Variants in NASP observed in about 807,000 individuals in gnomAD.
NASP encodes NASP histone chaperone.
Under a neutral mutation model 89.5 loss-of-function variants are expected in NASP, and 24 were observed. The observed-to-expected ratio is 0.27, with a 90% CI of 0.19 to 0.38. NASP has a LOEUF of 0.38. Among genes scored for constraint, NASP ranks in the 10% least tolerant of loss-of-function variants. NASP has a pLI of 1.00. For missense variants in NASP, 848 were observed against 921.4 expected, an observed-to-expected ratio of 0.92 and a Z score of 1.03; for synonymous variants, 306 against 324.7, an observed-to-expected ratio of 0.94 and a Z score of 0.62.
chr1:45,615,561 T>G, intron 11 of NASP, 90 bp downstream of exon 11: 1 of 1,272,200 alleles, frequency 7.9e-7, no homozygotes, highest in South Asian at 1.5e-5. Flanking sequence ...ATGACTTGGT[T>G]TCCAGGGAGT....
intron 2 of NASP, among the ~76,000 whole-genome samples, chr1:45,595,188 T>TGTGTGTGTGTGTGTGTG (rs1557653283): frequency 1.5e-5 from 2 of 129,660 alleles, no homozygotes; most frequent in Non-Finnish European, 3.3e-5. Context: ...TGTGTGTGTG[T>TGTGTGTGTGTGTGTGTG]TTTAGAGACA....
chr1:45,593,394 G>T (rs377648458), intron 2 of NASP, among the ~76,000 whole-genome samples: 1 of 151,774 alleles, frequency 6.6e-6, no homozygotes, highest in African/African-American at 2.4e-5. Context: ...TTAGTTGAGC[G>T]TGGTGGCGGG....
intron 14 of NASP, 54 bp from the exon 15 acceptor site, chr1:45,618,007 G>A: frequency 6.6e-7 from 1 of 1,509,288 alleles, no homozygotes. Context: ...AGTTATATAA[G>A]ACAGAATGGC....
intron 11 of NASP, 196 bp downstream of exon 11, chr1:45,615,667 C>T (rs191678008): frequency 1.6e-5 from 9 of 554,622 alleles, no homozygotes; most frequent in African/African-American, 9.5e-5. Context: ...TCCATACTTA[C>T]GTGTGGCCAT....
chr1:45,595,189 T>G (rs917332532), intron 2 of NASP, among the ~76,000 whole-genome samples: 17 of 110,346 alleles, frequency 1.5e-4, no homozygotes, highest in South Asian at 5.8e-4. Flanking sequence ...GTGTGTGTGT[T>G]TTAGAGACAG....
At chr1:45,615,994 G>T (rs770118204) in intron 11 of NASP, among the ~76,000 whole-genome samples, 1 of 152,192 alleles carries the variant, frequency 6.6e-6, no homozygotes, top group Admixed American at 6.5e-5. Context: ...CTTAAAAAAT[G>T]TAAGTTGCTA....
chr1:45,616,766 C>CT, intron 13 of NASP, 63 bp downstream of exon 13: 4 of 1,432,490 alleles, frequency 2.8e-6, no homozygotes, highest in Non-Finnish European at 3.9e-6. Flanking sequence ...AATCCCTTTC[C>CT]TATAAACCCC....
At position 45,587,487 on chromosome 1, in the gene NASP, C is replaced by A. The variant is rs79170726; in HGVS notation, c.59+3282C>A. On this transcript the variant is annotated intron_variant, in intron 1 of 14. Transcript: ENST00000350030. ...ACTGCATCTTTGTTCATTTACATATCTCAACTGTGGATGGTGCCGTGTATG... is the reference window on the plus strand; with the variant it reads ...ACTGCATCTTTGTTCATTTACATATATCAACTGTGGATGGTGCCGTGTATG... Among the ~76,000 whole-genome samples, 451 of 151,824 alleles carry A rather than the reference C, an allele frequency of 3.0e-3. 4 individuals carry two copies. Among genetic ancestry groups the A allele is most frequent in the East Asian group, 0.022 (114 of 5,160 alleles).
chr1:45,598,474 G>A (rs995229845), intron 2 of NASP, among the ~76,000 whole-genome samples: 7 of 151,716 alleles, frequency 4.6e-5, no homozygotes, highest in South Asian at 2.1e-4. Flanking sequence ...CTTCCTTGTC[G>A]TCCCTACCTC....
chr1:45,589,771 G>C (rs1643477280), intron 1 of NASP, among the ~76,000 whole-genome samples: 1 of 151,910 alleles, frequency 6.6e-6, no homozygotes, highest in Non-Finnish European at 1.5e-5. Flanking sequence ...CGTGGTGGTG[G>C]GCGCCTGTAA....
chr1:45,612,441 C>T (rs1249133666), intron 6 of NASP: 1 of 152,170 alleles, frequency 6.6e-6, no homozygotes, highest in East Asian at 1.9e-4. Context: ...GTTGATTTGT[C>T]TAATCACAGT....
At chr1:45,606,992 A>G (rs567281158) in intron 5 of NASP, among the ~76,000 whole-genome samples, 11 of 152,346 alleles carry the variant, frequency 7.2e-5, no homozygotes, top group African/African-American at 2.4e-4. Context: ...CGAAAATTAT[A>G]TAATTTCTAA....
At position 45,607,412 on chromosome 1, in the gene NASP, G is replaced by A. The variant is rs969688996; in HGVS notation, c.501G>A (p.Lys167=). 1.9e-5 allele frequency: 30 copies of A among 1,613,822 alleles called. No homozygotes were observed. The highest frequency in any genetic ancestry group is 2.3e-5 in the Non-Finnish European group (27 of 1,179,966). The stretch of plus-strand genomic sequence containing the variant: ...AAACAGAAGACAAGTCTTTGGCAAA[G>A]CCTGAAACTGATAAAGAACAGGACA... ...AKKTEDKSLA[K]PETDKEQDSE... The change falls in exon 6 of 15, where the codon AAG becomes AAA. Residue 167 remains lysine (K), a synonymous_variant. Coordinates refer to ENST00000350030, the MANE Select transcript of NASP (RefSeq NM_002482.4).
chr1:45,593,218 G>A (rs76004570), intron 2 of NASP, among the ~76,000 whole-genome samples: 21 of 152,046 alleles, frequency 1.4e-4, no homozygotes, highest in African/African-American at 4.6e-4. Context: ...TGAAATAGGC[G>A]ATTCTGATAT....
intron 13 of NASP, 150 bp downstream of exon 13, chr1:45,616,853 GTT>G: frequency 2.6e-6 from 2 of 773,688 alleles, no homozygotes; most frequent in Non-Finnish European, 4.2e-6. Flanking sequence ...GTTGTGTTTT[GTT>G]TTGTTTTGAG....
At position 45,604,917 on chromosome 1, in the gene NASP, A is replaced by G. The variant is rs1299011520; in HGVS notation, c.219-19A>G. 5 of 1,540,848 alleles carry G rather than the reference A, an allele frequency of 3.2e-6. No individual in the cohort carries two copies. Among genetic ancestry groups the G allele is most frequent in the Non-Finnish European group, 4.5e-6 (5 of 1,120,288 alleles). ...GATTAGATGGTAATTCAGATTTTAGATGTTTATTCTCTTTGTAGAGGTAAG... is the reference window on the plus strand; with the variant it reads ...GATTAGATGGTAATTCAGATTTTAGGTGTTTATTCTCTTTGTAGAGGTAAG... On this transcript the variant is annotated intron_variant, in intron 3 of 14. Transcript: ENST00000350030.
intron 1 of NASP, among the ~76,000 whole-genome samples, chr1:45,586,654 A>G (rs961213885): frequency 6.6e-6 from 1 of 152,134 alleles, no homozygotes; most frequent in Non-Finnish European, 1.5e-5. Context: ...ACATGAAAGC[A>G]GTGTGTCTCA....
Position 45,608,198 on chromosome 1 carries a change from A to G in NASP, c.1287A>G (p.Val429=). ...GTCAGGAGGAGACTAAGCTGTCTGTAGAAGAGTCTGAGGCAGCTGGAGATG... is the reference window on the plus strand; with the variant it reads ...GTCAGGAGGAGACTAAGCTGTCTGTGGAAGAGTCTGAGGCAGCTGGAGATG... The part of the protein sequence containing the change: ...VPSQEETKLS[V]EESEAAGDGV... Residue 429 remains valine, a synonymous_variant, in exon 6 of 15, where the codon GTA becomes GTG. Transcript: ENST00000350030. The G allele has an allele frequency of 6.2e-7, 1 of 1,614,246 alleles. No homozygotes were observed. The highest frequency in any genetic ancestry group is 8.5e-7 in the Non-Finnish European group (1 of 1,180,042).
At position 45,618,036 on chromosome 1, in the gene NASP, T is replaced by A. The variant is rs748179235; in HGVS notation, c.2287-25T>A. On this transcript the variant is annotated intron_variant, in intron 14 of 14. Coordinates refer to ENST00000350030, the MANE Select transcript of NASP (RefSeq NM_002482.4). ...GAATGGCTTAAACTAGGCTCACTCA[T>A]GCCCAGGTTCTGTTTGTCTTCCAGG... The A allele has an allele frequency of 4.4e-6, 7 of 1,582,104 alleles. No homozygotes were observed. The East Asian group carries it at 1.6e-4, about 36-fold the overall frequency.
Sources: allele counts gnomAD v4.1 joint callset (sites outside exome capture counted in the v4.1 genomes callset), GRCh38; gene constraint gnomAD v4.1.1; transcripts MANE v1.5; gene names NCBI Gene and HGNC (gene_info 2026-07-23, HGNC 2026-07-21).